The following RSAD2 variants were observed in gnomAD, a reference collection of about 807,000 sequenced individuals.
RSAD2 encodes the protein radical S-adenosyl methionine domain containing 2.
RSAD2 carries 38 observed loss-of-function variants against 37.7 expected under a neutral mutation model. The observed-to-expected ratio is 1.01, with a 90% CI of 0.78 to 1.32. The LOEUF is 1.32. RSAD2 is among the 40% of genes most tolerant of loss of function. The probability of loss-of-function intolerance (pLI) is 0.00; values close to 1 mark genes in which losing one functional copy is unlikely to be tolerated. For missense variants in RSAD2, 428 were observed against 437.5 expected (o/e 0.98, Z 0.19); for synonymous variants, 163 against 157.4 (o/e 1.04, Z -0.27).
intron 3 of RSAD2, among the ~76,000 whole-genome samples, chr2:6,889,352 G>A (rs12989595): frequency 0.68 from 102,738 of 152,062 alleles, 35,256 homozygotes; most frequent in East Asian, 0.75. Context: ...AGTGGAGGCA[G>A]ATATCAAAAG....
chr2:6,873,676 G>A (rs73914414), upstream of RSAD2, among the ~76,000 whole-genome samples: 3,481 of 152,232 alleles, frequency 0.023, 136 homozygotes, highest in African/African-American at 0.08. Flanking sequence ...ATTTAGGAGT[G>A]ACATATGATT....
upstream of RSAD2, among the ~76,000 whole-genome samples, chr2:6,873,748 C>A (rs1232632522): frequency 6.6e-6 from 1 of 151,984 alleles, no homozygotes; most frequent in Admixed American, 6.6e-5. Flanking sequence ...ATATCAAAAC[C>A]CTAAATTAAG....
chr2:6,882,934 T>C (rs978938324), intron 1 of RSAD2, among the ~76,000 whole-genome samples: 6 of 152,154 alleles, frequency 3.9e-5, no homozygotes, highest in Non-Finnish European at 8.8e-5. Flanking sequence ...AGGAAGCTTG[T>C]AAAGGGATTC....
At chr2:6,872,909 T>C (rs1663224338), upstream of RSAD2, among the ~76,000 whole-genome samples, 1 of 152,218 alleles carries the variant, frequency 6.6e-6, no homozygotes, top group African/African-American at 2.4e-5. Flanking sequence ...TAATTTTTAA[T>C]TTGCAAATCT....
chr2:6,882,239 C>T (rs555670954), intron 1 of RSAD2, among the ~76,000 whole-genome samples: 1 of 151,958 alleles, frequency 6.6e-6, no homozygotes, highest in Non-Finnish European at 1.5e-5. Flanking sequence ...GACACCAAAA[C>T]AAATACACAG....
intron 4 of RSAD2, among the ~76,000 whole-genome samples, chr2:6,892,671 G>C (rs926204523): frequency 6.6e-6 from 1 of 152,198 alleles, no homozygotes; most frequent in Admixed American, 6.5e-5. Context: ...TCTTGTGAAA[G>C]GGCAGACCTC....
intron 2 of RSAD2, among the ~76,000 whole-genome samples, chr2:6,886,036 A>C (rs1440522288): frequency 6.6e-6 from 1 of 152,232 alleles, no homozygotes; most frequent in Admixed American, 6.5e-5. Flanking sequence ...TAGTTGCTTA[A>C]AGAGTTTTTG....
chr2:6,876,404 A>G (rs1344325516), upstream of RSAD2, among the ~76,000 whole-genome samples: 3 of 152,202 alleles, frequency 2.0e-5, no homozygotes, highest in East Asian at 3.9e-4. Context: ...TTGAGACTTC[A>G]AAGGTTGCTC....
chr2:6,868,062 C>A (rs1663135909), intron 1 of RSAD2, among the ~76,000 whole-genome samples: 1 of 152,086 alleles, frequency 6.6e-6, no homozygotes, highest in Non-Finnish European at 1.5e-5. Flanking sequence ...AGAGAAGCTG[C>A]AGGCTGGGAA....
chr2:6,884,471 C>T (rs192712756), intron 2 of RSAD2, among the ~76,000 whole-genome samples: 63 of 152,274 alleles, frequency 4.1e-4, no homozygotes, highest in Non-Finnish European at 6.5e-4. Context: ...GGGAACCATA[C>T]TCAGAGAGAG....
Position 6,887,216 on chromosome 2 carries a change from A to G in RSAD2, c.738+52A>G, listed in dbSNP as rs1354449189. The G allele has an allele frequency of 2.9e-6, 4 of 1,398,652 alleles. No homozygotes were observed. In the East Asian group the frequency reaches 7.1e-5, roughly 25 times the overall value. 86.6% of individuals were successfully genotyped at this position (1,398,652 alleles called of 1,614,324 possible). A position where few individuals can be genotyped will look rare whatever the true frequency, so the allele number is the denominator to read the frequency against. ...ATTTCCTTCAAGAAAACTTTCAGGAATGACTTTTTTCAATGAAACTGAAAA... is the reference window on the plus strand; with the variant it reads ...ATTTCCTTCAAGAAAACTTTCAGGAGTGACTTTTTTCAATGAAACTGAAAA... On this transcript the variant is annotated intron_variant, in intron 3 of 5. Coordinates refer to ENST00000382040, the MANE Select transcript of RSAD2 (RefSeq NM_080657.5).
chr2:6,878,896 G>A (rs1663342325), intron 1 of RSAD2: 1 of 1,134,082 alleles, frequency 8.8e-7, no homozygotes, highest in Non-Finnish European at 1.2e-6. Context: ...CAAAAGCATA[G>A]CATACATGCA....
chr2:6,887,181 G>C lies in RSAD2; in HGVS notation c.738+17G>C, dbSNP rs761061279. The C allele has an allele frequency of 6.3e-7, 1 of 1,588,154 alleles. No individual in the cohort carries two copies. Among genetic ancestry groups the C allele is most frequent in the Non-Finnish European group, 8.6e-7 (1 of 1,158,542 alleles). ...CGCTGGAAAGTAAGTACACAAGGTC[G>C]CTTTTGCTGATTTCCTTCAAGAAAA... On this transcript the variant is annotated intron_variant, in intron 3 of 5. Coordinates refer to ENST00000382040, the MANE Select transcript of RSAD2 (RefSeq NM_080657.5).
Position 6,885,821 on chromosome 2 carries a change from A to G in RSAD2, c.509-1114A>G, listed in dbSNP as rs560254495. On this transcript the variant is annotated intron_variant, in intron 2 of 5. Coordinates refer to ENST00000382040, the MANE Select transcript of RSAD2 (RefSeq NM_080657.5). ...CTGTTTGGAGATCAGGTGCTCAGTT[A>G]CTTGCCTTTTCACAATGTGATATGC... Among the ~76,000 whole-genome samples the G allele has an allele frequency of 4.6e-5, 7 of 152,344 alleles. No homozygotes were observed. In the South Asian group the frequency reaches 1.5e-3, roughly 32 times the overall value.
intron 5 of RSAD2, among the ~76,000 whole-genome samples, chr2:6,894,166 C>T (rs1663691603): frequency 1.3e-5 from 2 of 152,128 alleles, no homozygotes; most frequent in South Asian, 2.1e-4. Context: ...CTTGGCTTTC[C>T]TAAGGAGAGG....
At chr2:6,888,381 T>G (rs1663564254) in intron 3 of RSAD2, among the ~76,000 whole-genome samples, 1 of 152,140 alleles carries the variant, frequency 6.6e-6, no homozygotes, top group African/African-American at 2.4e-5. Flanking sequence ...TAGAAGGAAC[T>G]GGAGAAAAGC....
chr2:6,887,328 A>T (rs1323371990), intron 3 of RSAD2, among the ~76,000 whole-genome samples, 164 bp downstream of exon 3: 1 of 152,214 alleles, frequency 6.6e-6, no homozygotes, highest in Admixed American at 6.5e-5. Context: ...ACTTAAAACT[A>T]TACTTTTCTT....
upstream of RSAD2, chr2:6,877,247 C>G (rs1663299997): frequency 6.6e-6 from 1 of 152,278 alleles, no homozygotes; most frequent in Non-Finnish European, 1.5e-5. Context: ...TGGAATAAGA[C>G]CTAAATTCAA....
chr2:6,890,686 C>T lies in RSAD2; in HGVS notation c.888+361C>T, dbSNP rs1013417401. ...AACCCCTAAACATAGAAAGAACTAA[C>T]GAACGCCACTCTGTTGATATCAACA... On this transcript the variant is annotated intron_variant, in intron 4 of 5. Transcript: ENST00000382040. Among the ~76,000 whole-genome samples the T allele has an allele frequency of 5.3e-5, 8 of 152,136 alleles. No homozygotes were observed. The South Asian group carries it at 8.3e-4, about 16-fold the overall frequency.
Sources: gnomAD v4.1 joint callset for allele counts (sites outside exome capture counted in the v4.1 genomes callset) on GRCh38, gnomAD v4.1.1 for gene constraint, MANE v1.5 for transcripts, NCBI Gene and HGNC (gene_info 2026-07-23, HGNC 2026-07-21) for gene names.